Variants in NCS1 observed in about 807,000 individuals in gnomAD.
NCS1 encodes the protein neuronal calcium sensor 1, also known as frequenin homolog.
NCS1 carries 6 observed loss-of-function variants against 28.4 expected under a neutral mutation model. The observed-to-expected ratio is 0.21, with a 90% CI of 0.12 to 0.42. NCS1 has a LOEUF of 0.42. NCS1 is among the 10% of genes least tolerant of loss of function. The probability of loss-of-function intolerance (pLI) is 1.00; values close to 1 mark genes in which losing one functional copy is unlikely to be tolerated. For synonymous variants in NCS1, 86 were observed against 99.3 expected (o/e 0.87, Z 0.79); for missense variants, 131 against 241.4 (o/e 0.54, Z 3.03).
At chr9:130,199,028 C>T (rs1554907144) in intron 1 of NCS1, among the ~76,000 whole-genome samples, 1 of 152,150 alleles carries the variant, frequency 6.6e-6, no homozygotes, top group Non-Finnish European at 1.5e-5. Flanking sequence ...AAATTGCTTT[C>T]TTTGACTCCA....
chr9:130,226,440 G>C lies in NCS1; in HGVS notation c.526G>C (p.Asp176His). The C allele has an allele frequency of 6.2e-7, 1 of 1,614,154 alleles. No homozygotes were observed. ...GGAGTTCCAGGAGGGTTCCAAGGCA[G>C]ACCCGTCCATTGTGCAGGCGCTGTC... ...LQEFQEGSKA[D>H]PSIVQALSLY... The change falls in exon 7 of 8, where the codon GAC (aspartate) becomes CAC (histidine). Residue 176 changes from aspartate to histidine, a missense_variant. This residue lies in a region of NCS1 where 100 missense variants were observed against 210.3 expected (regional missense o/e 0.48). Coordinates refer to ENST00000372398, the MANE Select transcript of NCS1 (RefSeq NM_014286.4). The surrounding 1 kb of genome is among the most constrained non-coding windows in gnomAD (Gnocchi z 4.8).
rs1225322011 is a variant in NCS1 at position 130,235,208 on chromosome 9, C to T, written c.*2236C>T. 1 of 152,326 alleles carries T rather than the reference C, an allele frequency of 6.6e-6. No individual in the cohort carries two copies. Among genetic ancestry groups the T allele is most frequent in the African/African-American group, 2.4e-5 (1 of 41,402 alleles). 9.4% of individuals were successfully genotyped at this position (152,326 alleles called of 1,614,324 possible). A position where few individuals can be genotyped will look rare whatever the true frequency, so the allele number is the denominator to read the frequency against. On this transcript the variant is annotated 3_prime_UTR_variant, in exon 8 of 8. Coordinates refer to ENST00000372398, the MANE Select transcript of NCS1 (RefSeq NM_014286.4). Reference sequence around the variant, plus strand: ...TTTGAAGGGTGGATTCTTTGAGGCCCCTGCCAGTCGGCTCCCTGCTCAGCT... The same window carrying T: ...TTTGAAGGGTGGATTCTTTGAGGCCTCTGCCAGTCGGCTCCCTGCTCAGCT...
Position 130,207,174 on chromosome 9 carries a change from A to T in NCS1, c.89+6192A>T, listed in dbSNP as rs371856473. On this transcript the variant is annotated intron_variant, in intron 2 of 7. Transcript: ENST00000372398. ...GCAGTGGTGCCACAGCCTCGGCCTCACTGGGCTGCTGCCTGCCTATGCTGG... is the reference window on the plus strand; with the variant it reads ...GCAGTGGTGCCACAGCCTCGGCCTCTCTGGGCTGCTGCCTGCCTATGCTGG... Among the ~76,000 whole-genome samples the T allele has an allele frequency of 1.1e-4, 17 of 152,152 alleles. 1 individual carries two copies. Among genetic ancestry groups the T allele is most frequent in the East Asian group, 5.8e-4 (3 of 5,196 alleles).
intron 3 of NCS1, among the ~76,000 whole-genome samples, chr9:130,218,614 CAG>C (rs1232343597): frequency 6.7e-6 from 1 of 149,796 alleles, no homozygotes; most frequent in Non-Finnish European, 1.5e-5. Flanking sequence ...TTTTTTGAGA[CAG>C]AGTCTTGCTC....
Position 130,196,643 on chromosome 9 carries a change from G to A in NCS1, c.65-4315G>A, listed in dbSNP as rs554051352. Among the ~76,000 whole-genome samples, 18 of 152,280 alleles carry A rather than the reference G, an allele frequency of 1.2e-4. No individual in the cohort carries two copies. In the South Asian group the frequency reaches 3.7e-3, roughly 32 times the overall value. Reference sequence around the variant, plus strand: ...AATCTTGGCTACTTGGGAGGCTGAGGCAGGAGAATTGCTTGAACCCTGGAG... The same window carrying A: ...AATCTTGGCTACTTGGGAGGCTGAGACAGGAGAATTGCTTGAACCCTGGAG... On this transcript the variant is annotated intron_variant, in intron 1 of 7. Transcript: ENST00000372398.
rs1392701664 is a variant in NCS1, at chr9:130,191,639, C to T, written c.65-9319C>T. On this transcript the variant is annotated intron_variant, in intron 1 of 7. Transcript: ENST00000372398. This position sits in a 1 kb window ranked among gnomAD's most constrained non-coding sequence, Gnocchi z 6.4. Reference sequence around the variant, plus strand: ...ACAGATACAGCAACAGCCCATGGCCCCCTGGGCTGTGTGAGACGCTAATGA... The same window carrying T: ...ACAGATACAGCAACAGCCCATGGCCTCCTGGGCTGTGTGAGACGCTAATGA... 2.0e-5 allele frequency among the ~76,000 whole-genome samples: 3 copies of T among 152,176 alleles called. No homozygotes were observed. The highest frequency in any genetic ancestry group is 4.1e-4 in the South Asian group (2 of 4,832).
intron 2 of NCS1, 56 bp downstream of exon 2, chr9:130,201,038 G>A: frequency 6.2e-7 from 1 of 1,610,970 alleles, no homozygotes; most frequent in Non-Finnish European, 8.5e-7. Flanking sequence ...GGCTTTGTGG[G>A]CTGTGGGCTG....
At chr9:130,196,858 G>A (rs1032669453) in intron 1 of NCS1, among the ~76,000 whole-genome samples, 2 of 152,186 alleles carry the variant, frequency 1.3e-5, no homozygotes, top group Non-Finnish European at 2.9e-5. Context: ...CTGGCCCAGC[G>A]ACAGCCATGA....
At position 130,177,857 on chromosome 9, in the gene NCS1, CA is replaced by C. The variant is rs1307364941; in HGVS notation, c.64+5131del. On this transcript the variant is annotated intron_variant, in intron 1 of 7. Coordinates refer to ENST00000372398, the MANE Select transcript of NCS1 (RefSeq NM_014286.4). The surrounding 1 kb of genome is among the most constrained non-coding windows in gnomAD (Gnocchi z 4.4). The stretch of plus-strand genomic sequence containing the variant: ...GAGTCCCTGGGAGGGAAGGAGGGCT[CA>C]GGGGCGAGTTCTGCGGTTCTGGCCC... Among the ~76,000 whole-genome samples the C allele has an allele frequency of 6.6e-6, 1 of 152,172 alleles. No homozygotes were observed. Among genetic ancestry groups the C allele is most frequent in the Non-Finnish European group, 1.5e-5 (1 of 68,024 alleles).
chr9:130,217,967 C>T lies in NCS1; in HGVS notation c.225C>T (p.Asn75=), dbSNP rs1833211932. Reference sequence around the variant, plus strand: ...TTGTTTTCAACGTCTTTGATGAAAACAAGGTGAGCTGGGGATTGATGGGGC... The same window carrying T: ...TTGTTTTCAACGTCTTTGATGAAAATAAGGTGAGCTGGGGATTGATGGGGC... ...ATFVFNVFDE[N]KDGRIEFSEF... The change falls in exon 3 of 8, where the codon AAC becomes AAT. Residue 75 remains asparagine (N), a synonymous_variant. Coordinates refer to ENST00000372398, the MANE Select transcript of NCS1 (RefSeq NM_014286.4). 6.2e-7 allele frequency: 1 copy of T among 1,614,182 alleles called. No individual in the cohort carries two copies. Among genetic ancestry groups the T allele is most frequent in the Non-Finnish European group, 8.5e-7 (1 of 1,180,036 alleles).
chr9:130,196,235 G>C (rs1832876962), intron 1 of NCS1, among the ~76,000 whole-genome samples: 1 of 152,220 alleles, frequency 6.6e-6, no homozygotes, highest in Non-Finnish European at 1.5e-5. Context: ...AGTGGTTATG[G>C]GGTGAAGAGG....
intron 2 of NCS1, among the ~76,000 whole-genome samples, chr9:130,211,430 TA>T (rs1184108135): frequency 6.6e-6 from 1 of 151,522 alleles, no homozygotes; most frequent in Non-Finnish European, 1.5e-5. Flanking sequence ...AGACTCGGGA[TA>T]ACGGGTTGTT....
chr9:130,214,527 A>G (rs782510521), intron 2 of NCS1, among the ~76,000 whole-genome samples: 2 of 152,186 alleles, frequency 1.3e-5, no homozygotes, highest in Non-Finnish European at 2.9e-5. Context: ...CTGACTGGGC[A>G]GGCTGATGCT....
intron 4 of NCS1, 40 bp from the exon 5 acceptor site, chr9:130,222,609 GC>G: frequency 6.3e-7 from 1 of 1,589,466 alleles, no homozygotes. Flanking sequence ...CCTCCCCACT[GC>G]CCCAGCCCAG....
chr9:130,226,753 G>A lies in NCS1; in HGVS notation c.*17+249G>A, dbSNP rs954604548. Among the ~76,000 whole-genome samples the A allele has an allele frequency of 5.9e-5, 9 of 152,184 alleles. No homozygotes were observed. The highest frequency in any genetic ancestry group is 3.4e-3 in the Middle Eastern group (1 of 294). ...TTGCTTGAACAGAATTTTTCTGGGC[G>A]CGGTGGCTCACGCCTGTAATCCCAG... On this transcript the variant is annotated intron_variant, in intron 7 of 7. Coordinates refer to ENST00000372398, the MANE Select transcript of NCS1 (RefSeq NM_014286.4). This position sits in a 1 kb window ranked among gnomAD's most constrained non-coding sequence, Gnocchi z 4.8.
chr9:130,207,306 C>G (rs1547812), intron 2 of NCS1, among the ~76,000 whole-genome samples: 141,328 of 152,276 alleles, frequency 0.93, 65,656 homozygotes, highest in East Asian at 1. Context: ...CACCTTGCCT[C>G]GCCCACAGGG....
intron 1 of NCS1, among the ~76,000 whole-genome samples, chr9:130,183,308 G>GT (rs5900888): frequency 1.7e-4 from 26 of 150,366 alleles, no homozygotes; most frequent in African/African-American, 5.7e-4. Flanking sequence ...CATGCGGCTG[G>GT]GGGGGGGAGC....
intron 1 of NCS1, among the ~76,000 whole-genome samples, chr9:130,195,195 G>A (rs1564706112): frequency 6.6e-6 from 1 of 152,196 alleles, no homozygotes; most frequent in South Asian, 2.1e-4. Flanking sequence ...ACTCATCCAA[G>A]ACCACAGATC....
intron 1 of NCS1, among the ~76,000 whole-genome samples, chr9:130,183,872 T>C (rs549063411): frequency 6.6e-6 from 1 of 150,970 alleles, no homozygotes; most frequent in African/African-American, 2.4e-5. Context: ...TGCAGTGGCA[T>C]GATCTCGGCC....
Sources: gnomAD v4.1 joint callset for allele counts (sites outside exome capture counted in the v4.1 genomes callset) on GRCh38, gnomAD v4.1.1 for gene constraint, gnomAD v4.1.1 regional missense constraint, Gnocchi (gnomAD v3.1) non-coding constraint, MANE v1.5 for transcripts, NCBI Gene and HGNC (gene_info 2026-07-23, HGNC 2026-07-21) for gene names.